F11R: variants seen among roughly 807,000 people sequenced by gnomAD.
F11R encodes the protein F11 receptor, also known as junctional adhesion molecule A.
In F11R, 27 loss-of-function variants were observed where a neutral mutation model predicts 39.3. That is an observed-to-expected ratio of 0.69 (90% CI 0.51 to 0.95). The LOEUF (loss-of-function observed/expected upper bound fraction) is 0.95. Among genes scored for constraint, F11R ranks in the 40% least tolerant of loss-of-function variants. F11R has a pLI of 0.00. For synonymous variants in F11R, 131 were observed against 144.9 expected, an observed-to-expected ratio of 0.90 and a Z score of 0.69; for missense variants, 335 against 372.7, an observed-to-expected ratio of 0.90 and a Z score of 0.83.
In F11R at chr1:161,021,024, A is replaced by G. The variant is rs764913061; in HGVS notation, c.50T>C (p.Leu17Ser). The G allele has an allele frequency of 5.2e-5, 84 of 1,614,036 alleles. No individual in the cohort carries two copies. Among genetic ancestry groups the G allele is most frequent in the Admixed American group, 1.0e-4 (6 of 60,010 alleles). ...TGGGAACTTACACAACAGGATCGCC[A>G]ATATGAAGAGGCACAACAGTTTCCT... ...VERKLLCLFI[L>S]AILLCSLALG... The change falls in exon 1 of 10, where the codon TTG (leucine) becomes TCG (serine). Residue 17 changes from leucine (L) to serine (S), a missense_variant. By Grantham distance (145) the Leu-to-Ser change is moderately radical (BLOSUM62 -2). Transcript: ENST00000368026.
chr1:161,020,934 G>T lies in F11R; in HGVS notation c.64+76C>A, dbSNP rs1649724748. ...TTTCTGAGCTCCTCCCCTCCCGCGG[G>T]CTAGGGGCGTGGGGAGAGCCTTCCT... On this transcript the variant is annotated intron_variant, in intron 1 of 9. Transcript: ENST00000368026. 3.8e-6 allele frequency: 5 copies of T among 1,310,064 alleles called. No individual in the cohort carries two copies. The African/African-American group carries it at 5.8e-5, about 15-fold the overall frequency. 81.2% of individuals were successfully genotyped at this position (1,310,064 alleles called of 1,614,324 possible).
intron 1 of F11R, among the ~76,000 whole-genome samples, chr1:161,010,951 G>A (rs1338229459): frequency 7.1e-6 from 1 of 141,120 alleles, no homozygotes; most frequent in African/African-American, 2.6e-5. Context: ...TCCAGTCTGG[G>A]CGATAGAGTG....
At chr1:161,015,405 A>ATATATATAT (rs1329400158) in intron 1 of F11R, among the ~76,000 whole-genome samples, 8 of 133,654 alleles carry the variant, frequency 6.0e-5, no homozygotes, top group Admixed American at 2.2e-4. Context: ...CTCAAAAAAA[A>ATATATATAT]AAATATATAT....
intron 1 of F11R, among the ~76,000 whole-genome samples, chr1:161,012,001 C>G (rs545581304): frequency 3.3e-5 from 5 of 152,218 alleles, no homozygotes; most frequent in African/African-American, 1.2e-4. Flanking sequence ...TTGACAGCCC[C>G]TGGCACACGC....
chr1:161,000,410 C>A, intron 4 of F11R, 62 bp from the exon 5 acceptor site: 3 of 1,544,356 alleles, frequency 1.9e-6, no homozygotes, highest in Non-Finnish European at 2.7e-6. Context: ...GTCTAAGTAA[C>A]CAACTACAAT....
chr1:161,017,057 G>A (rs1649501987), intron 1 of F11R, among the ~76,000 whole-genome samples: 1 of 152,166 alleles, frequency 6.6e-6, no homozygotes, highest in South Asian at 2.1e-4. Context: ...TTAAACAAAT[G>A]CTTGAAGGCA....
chr1:160,995,387 A>G lies in F11R; in HGVS notation c.*3484T>C, dbSNP rs564535154. ...TCTGTAGATCCTGTTAAGACAGGAA[A>G]AACAGTGTTGGTCAAAGGGTACACG... On this transcript the variant is annotated 3_prime_UTR_variant, in exon 10 of 10. Coordinates refer to ENST00000368026, the MANE Select transcript of F11R (RefSeq NM_016946.6). 6.6e-6 allele frequency: 1 copy of G among 152,344 alleles called. No individual in the cohort carries two copies. The highest frequency in any genetic ancestry group is 2.4e-5 in the African/African-American group (1 of 41,522). 9.4% of individuals were successfully genotyped at this position (152,344 alleles called of 1,614,324 possible). A position where few individuals can be genotyped will look rare whatever the true frequency, so the allele number is the denominator to read the frequency against.
intron 1 of F11R, among the ~76,000 whole-genome samples, chr1:161,004,582 T>A (rs993737372): frequency 6.6e-6 from 1 of 151,478 alleles, no homozygotes; most frequent in Non-Finnish European, 1.5e-5. Flanking sequence ...TGGTGACACA[T>A]GCCTGTAGCC....
Position 160,998,466 on chromosome 1 carries a change from A to C in F11R, c.*405T>G. 1 of 300,056 alleles carries C rather than the reference A, an allele frequency of 3.3e-6. No homozygotes were observed. Among genetic ancestry groups the C allele is most frequent in the Non-Finnish European group, 6.3e-6 (1 of 159,846 alleles). 18.6% of individuals were successfully genotyped at this position (300,056 alleles called of 1,614,324 possible). A position where few individuals can be genotyped will look rare whatever the true frequency, so the allele number is the denominator to read the frequency against. ...AACAGCTGGCCCTGGTCGTCAGTAC[A>C]CAAGGAAAGAGCCCAGAACCAAGCT... On this transcript the variant is annotated 3_prime_UTR_variant, in exon 10 of 10. Coordinates refer to ENST00000368026, the MANE Select transcript of F11R (RefSeq NM_016946.6).
At chr1:161,017,648 C>T (rs1649537618) in intron 1 of F11R, among the ~76,000 whole-genome samples, 1 of 152,220 alleles carries the variant, frequency 6.6e-6, no homozygotes, top group Non-Finnish European at 1.5e-5. Flanking sequence ...ACTAAGGGAA[C>T]TCAGAGGCTG....
chr1:161,013,172 G>C (rs1649267829), intron 1 of F11R, among the ~76,000 whole-genome samples: 1 of 151,424 alleles, frequency 6.6e-6, no homozygotes, highest in Non-Finnish European at 1.5e-5. Context: ...AGGGGGAAAA[G>C]GAGGGAAAAC....
chr1:160,999,121 C>G, intron 8 of F11R, 30 bp from the exon 9 acceptor site: 3 of 1,614,052 alleles, frequency 1.9e-6, no homozygotes, highest in Non-Finnish European at 2.5e-6. Flanking sequence ...CAGAGACACT[C>G]AGCCACCTAG....
intron 1 of F11R, among the ~76,000 whole-genome samples, chr1:161,009,327 C>T (rs1649000353): frequency 6.6e-6 from 1 of 151,998 alleles, no homozygotes; most frequent in South Asian, 2.1e-4. Context: ...ATGGTAAACC[C>T]CAAGTGAAAA....
intron 3 of F11R, 98 bp downstream of exon 3, chr1:161,000,922 T>C: frequency 6.9e-7 from 1 of 1,450,136 alleles, no homozygotes; most frequent in Admixed American, 1.7e-5. Flanking sequence ...AGCCCCAGGG[T>C]GTGCCCTGGG....
In F11R at chr1:160,999,731, C is replaced by G; in HGVS notation, c.711G>C (p.Gly237=). ...TTACAAGGACGGCTGCCACGATGAC[C>G]CCCACATTCCGCTCCACTGCGAGAC... ...VRMEAVERNV[G]VIVAAVLVTL... The change falls in exon 7 of 10, where the codon GGG becomes GGC. Residue 237 remains glycine, a synonymous_variant. Coordinates refer to ENST00000368026, the MANE Select transcript of F11R (RefSeq NM_016946.6). The G allele has an allele frequency of 6.2e-7, 1 of 1,614,154 alleles. No homozygotes were observed. The highest frequency in any genetic ancestry group is 1.1e-5 in the South Asian group (1 of 91,082).
chr1:161,016,622 A>AT (rs998088001), intron 1 of F11R, among the ~76,000 whole-genome samples: 6 of 152,120 alleles, frequency 3.9e-5, no homozygotes, highest in African/African-American at 1.4e-4. Flanking sequence ...ATGCTACTGC[A>AT]TTCCAGCCTG....
intron 1 of F11R, among the ~76,000 whole-genome samples, chr1:161,006,748 T>C (rs1210661894): frequency 2.0e-5 from 3 of 152,158 alleles, no homozygotes; most frequent in Admixed American, 6.6e-5. Context: ...TATCACATCA[T>C]GAGTCAAGGC....
At chr1:160,999,180 G>C (rs1435885667) in intron 8 of F11R, 89 bp from the exon 9 acceptor site, 1 of 1,572,532 alleles carries the variant, frequency 6.4e-7, no homozygotes, top group Non-Finnish European at 8.7e-7. Flanking sequence ...AAGCGAGAAT[G>C]CTACAGAAGC....
chr1:161,007,007 AT>A (rs1233141800), intron 1 of F11R, among the ~76,000 whole-genome samples: 1 of 152,022 alleles, frequency 6.6e-6, no homozygotes, highest in East Asian at 1.9e-4. Flanking sequence ...CTACTAAAAA[AT>A]ATATATATAA....
Sources: gnomAD v4.1 joint callset for allele counts (sites outside exome capture counted in the v4.1 genomes callset) on GRCh38, gnomAD v4.1.1 for gene constraint, MANE v1.5 for transcripts, NCBI Gene and HGNC (gene_info 2026-07-23, HGNC 2026-07-21) for gene names.